Variants in SUCLA2 observed in about 807,000 individuals in gnomAD.
SUCLA2 encodes the protein succinate--CoA ligase [ADP-forming] subunit beta, mitochondrial.
A neutral mutation model predicts 54.8 loss-of-function variants in SUCLA2; 30 were observed. That is an observed-to-expected ratio of 0.55 (90% CI 0.41 to 0.74). SUCLA2 has a LOEUF of 0.74. Among genes scored for constraint, SUCLA2 ranks in the 30% least tolerant of loss-of-function variants. SUCLA2 has a pLI of 0.00. For missense variants in SUCLA2, 476 were observed against 562.9 expected (o/e 0.85, Z 1.56); for synonymous variants, 172 against 188.9 (o/e 0.91, Z 0.74).
chr13:47,945,422 CAAAAAAA>C (rs10661341), intron 10 of SUCLA2, among the ~76,000 whole-genome samples: 9 of 50,008 alleles, frequency 1.8e-4, no homozygotes, highest in African/African-American at 2.6e-4. Flanking sequence ...GACTCAGTCT[CAAAAAAA>C]AAAAAAAAAA....
chr13:47,999,907 A>C (rs1294712728), intron 1 of SUCLA2, among the ~76,000 whole-genome samples: 2 of 152,154 alleles, frequency 1.3e-5, no homozygotes, highest in East Asian at 3.9e-4. Flanking sequence ...AATATTGGAA[A>C]TTTCCATAAG....
At chr13:47,987,013 C>T (rs1016173829) in intron 4 of SUCLA2, among the ~76,000 whole-genome samples, 30 of 152,302 alleles carry the variant, frequency 2.0e-4, no homozygotes, top group African/African-American at 7.0e-4. Flanking sequence ...GTGATAATAT[C>T]AAAGAATTTA....
At chr13:47,984,374 T>C (rs1458644855) in intron 4 of SUCLA2, among the ~76,000 whole-genome samples, 1 of 151,718 alleles carries the variant, frequency 6.6e-6, no homozygotes, top group East Asian at 1.9e-4. Flanking sequence ...TTTGTTTTTT[T>C]TGTATTTTTA....
intron 6 of SUCLA2, 74 bp downstream of exon 6, chr13:47,968,521 T>C (rs1949936851): frequency 1.9e-6 from 3 of 1,565,732 alleles, no homozygotes; most frequent in African/African-American, 1.4e-5. Flanking sequence ...TTAACTTCTA[T>C]GATTTAACTT....
chr13:47,958,086 G>A (rs927219486), intron 6 of SUCLA2, among the ~76,000 whole-genome samples: 1 of 152,186 alleles, frequency 6.6e-6, no homozygotes, highest in African/African-American at 2.4e-5. Context: ...AGACTTTTGT[G>A]CTGCTACGCT....
At chr13:48,000,913 C>A (rs1168702084) in intron 1 of SUCLA2, 15 of 1,359,822 alleles carry the variant, frequency 1.1e-5, no homozygotes, top group Non-Finnish European at 1.3e-5. Context: ...CCACCTGCTC[C>A]CGCCCATCTC....
At chr13:47,954,076 ATT>A in intron 8 of SUCLA2, 62 bp downstream of exon 8, 2 of 1,261,954 alleles carry the variant, frequency 1.6e-6, no homozygotes, top group South Asian at 2.5e-5. Flanking sequence ...AAAAATATAC[ATT>A]TTTATAAGTA....
At chr13:47,953,153 A>T (rs1926089) in intron 8 of SUCLA2, among the ~76,000 whole-genome samples, 110,882 of 152,042 alleles carry the variant, frequency 0.73, 41,392 homozygotes, top group Non-Finnish European at 0.82. Flanking sequence ...ACCCTGGGTT[A>T]CCATTCTGTT....
At chr13:47,979,662 AC>A (rs1477449115) in intron 4 of SUCLA2, among the ~76,000 whole-genome samples, 1 of 152,224 alleles carries the variant, frequency 6.6e-6, no homozygotes, top group East Asian at 1.9e-4. Flanking sequence ...AAGAAAACTT[AC>A]AGCCAACATC....
intron 4 of SUCLA2, among the ~76,000 whole-genome samples, chr13:47,984,338 C>A (rs1297636959): frequency 2.0e-5 from 3 of 146,722 alleles, no homozygotes; most frequent in Non-Finnish European, 4.5e-5. Flanking sequence ...GGACTACAGG[C>A]ACCCCCCACC....
chr13:47,971,179 C>T (rs781323769), intron 5 of SUCLA2, among the ~76,000 whole-genome samples: 11 of 152,104 alleles, frequency 7.2e-5, no homozygotes, highest in Non-Finnish European at 1.3e-4. Flanking sequence ...TTGGGAGGCC[C>T]AGGCAGGCAG....
At chr13:47,944,906 T>A (rs1000698288) in intron 10 of SUCLA2, among the ~76,000 whole-genome samples, 1 of 152,060 alleles carries the variant, frequency 6.6e-6, no homozygotes, top group South Asian at 2.1e-4. Flanking sequence ...GAGGATCATA[T>A]GAGGTCTGGA....
chr13:47,971,939 A>G (rs1949969531), intron 5 of SUCLA2: 3 of 398,494 alleles, frequency 7.5e-6, no homozygotes, highest in Non-Finnish European at 8.9e-6. Context: ...TAAAAGACCT[A>G]TGAGACTTAT....
chr13:47,957,559 T>C (rs886459991), intron 6 of SUCLA2, among the ~76,000 whole-genome samples: 1 of 152,168 alleles, frequency 6.6e-6, no homozygotes, highest in South Asian at 2.1e-4. Context: ...CTTTGAAACT[T>C]GACATTGCAT....
Position 48,001,258 on chromosome 13 carries a change from G to A in SUCLA2, c.12C>T (p.Ser4=), listed in dbSNP as rs750553143. The A allele has an allele frequency of 6.2e-7, 1 of 1,603,242 alleles. No homozygotes were observed. The highest frequency in any genetic ancestry group is 8.5e-7 in the Non-Finnish European group (1 of 1,175,640). Residue 4 remains serine, a synonymous_variant, in exon 1 of 11, where the codon TCC becomes TCT. Coordinates refer to ENST00000646932, the MANE Select transcript of SUCLA2 (RefSeq NM_003850.3). The part of the protein sequence containing the change: MAA[S]MFYGRLVAVA... The stretch of plus-strand genomic sequence containing the variant: ...CGGCCACTAGCCTGCCGTAGAACAT[G>A]GAGGCCGCCATTTCTGAGTCGGACC...
At chr13:47,984,685 G>A (rs1211491862) in intron 4 of SUCLA2, among the ~76,000 whole-genome samples, 1 of 151,828 alleles carries the variant, frequency 6.6e-6, no homozygotes, top group Admixed American at 6.6e-5. Context: ...CTGAGGCAGG[G>A]GAATCACTTG....
At chr13:47,994,580 A>C (rs1950176408) in intron 2 of SUCLA2, among the ~76,000 whole-genome samples, 1 of 151,814 alleles carries the variant, frequency 6.6e-6, no homozygotes, top group African/African-American at 2.4e-5. Context: ...AAAAAAAAAA[A>C]AAAAAAAAAC....
intron 1 of SUCLA2, among the ~76,000 whole-genome samples, chr13:47,997,457 T>C (rs568766869): frequency 1.3e-5 from 2 of 152,358 alleles, no homozygotes; most frequent in South Asian, 2.1e-4. Flanking sequence ...TACTCTTTCA[T>C]ACACTCGATA....
chr13:48,001,112 C>T, intron 1 of SUCLA2, 68 bp downstream of exon 1: 4 of 1,542,732 alleles, frequency 2.6e-6, no homozygotes, highest in Middle Eastern at 1.7e-4. Flanking sequence ...AGCCGGGCCA[C>T]GGGACCCCTC....
Sources: gnomAD v4.1 joint callset for allele counts (sites outside exome capture counted in the v4.1 genomes callset) on GRCh38, gnomAD v4.1.1 for gene constraint, MANE v1.5 for transcripts, NCBI Gene and HGNC (gene_info 2026-07-23, HGNC 2026-07-21) for gene names.